The following AFTPH variants were observed in gnomAD, a reference collection of about 807,000 sequenced individuals.
AFTPH encodes the protein aftiphilin protein.
AFTPH carries 7 observed loss-of-function variants against 72.5 expected under a neutral mutation model. The observed-to-expected ratio is 0.10, with a 90% CI of 0.05 to 0.18. The LOEUF (loss-of-function observed/expected upper bound fraction) is 0.18, where lower values mean the gene tolerates loss of function less well. Ranked by LOEUF, AFTPH falls within the 10% of genes least tolerant of loss-of-function variation. The pLI, the probability that AFTPH is intolerant of heterozygous loss-of-function variation, is 1.00. For synonymous variants in AFTPH, 337 were observed against 370.1 expected, an observed-to-expected ratio of 0.91 and a Z score of 1.03; for missense variants, 979 against 1,060.5, an observed-to-expected ratio of 0.92 and a Z score of 1.07.
chr2:64,533,274 C>A (rs368265526), intron 1 of AFTPH, among the ~76,000 whole-genome samples: 5 of 152,200 alleles, frequency 3.3e-5, no homozygotes, highest in South Asian at 4.2e-4. Context: ...TGGCAGGCAC[C>A]TGTAGTCCCA....
intron 7 of AFTPH, among the ~76,000 whole-genome samples, chr2:64,582,653 A>C (rs868588352): frequency 1.3e-5 from 2 of 152,186 alleles, no homozygotes; most frequent in South Asian, 2.1e-4. Context: ...AAAAACATGT[A>C]TATCTTTTTG....
chr2:64,577,104 C>T (rs1672865609), intron 6 of AFTPH, among the ~76,000 whole-genome samples: 1 of 152,194 alleles, frequency 6.6e-6, no homozygotes, highest in African/African-American at 2.4e-5. Context: ...GTGATTTACC[C>T]AAAACCATGT....
chr2:64,526,595 C>T (rs2103786197), intron 1 of AFTPH, among the ~76,000 whole-genome samples: 1 of 152,264 alleles, frequency 6.6e-6, no homozygotes, highest in East Asian at 1.9e-4. Context: ...GTGAACCTTT[C>T]TAGCCGGAAC....
intron 1 of AFTPH, among the ~76,000 whole-genome samples, chr2:64,532,401 A>T (rs1269673168): frequency 6.6e-6 from 1 of 152,208 alleles, no homozygotes; most frequent in Non-Finnish European, 1.5e-5. Flanking sequence ...TTTTAAAAAG[A>T]TTACTTGGGT....
chr2:64,573,308 C>T (rs1433524181), intron 6 of AFTPH, among the ~76,000 whole-genome samples: 1 of 151,980 alleles, frequency 6.6e-6, no homozygotes, highest in Non-Finnish European at 1.5e-5. Flanking sequence ...GTTCTTAAAA[C>T]TATCCAGGCC....
exon 2 of AFTPH, chr2:64,552,029 G>A (rs377276676): frequency 6.8e-5 from 110 of 1,613,830 alleles, no homozygotes; most frequent in Non-Finnish European, 9.1e-5. Context: ...TAACAAATGG[G>A]TTTGCAGTGT....
chr2:64,572,135 G>T (rs750016645), intron 5 of AFTPH, among the ~76,000 whole-genome samples: 1 of 150,566 alleles, frequency 6.6e-6, no homozygotes, highest in African/African-American at 2.4e-5. Flanking sequence ...CAGGAGAATC[G>T]CTTGAACCTG....
chr2:64,579,453 G>A (rs749050554), intron 6 of AFTPH, 33 bp from the exon 7 acceptor site: 1 of 1,592,442 alleles, frequency 6.3e-7, no homozygotes, highest in Admixed American at 1.7e-5. Context: ...AACCTGTACT[G>A]ATTAATTTTG....
intron 7 of AFTPH, among the ~76,000 whole-genome samples, 194 bp from the exon 9 acceptor site, chr2:64,585,227 TC>T (rs1244357553): frequency 6.6e-6 from 1 of 152,252 alleles, no homozygotes; most frequent in Non-Finnish European, 1.5e-5. Context: ...AAAAGTCTTT[TC>T]CTGTTTTATA....
At chr2:64,586,702 C>A (rs1026632680) in intron 8 of AFTPH, among the ~76,000 whole-genome samples, 1 of 152,262 alleles carries the variant, frequency 6.6e-6, no homozygotes, top group East Asian at 1.9e-4. Flanking sequence ...TCTCATAGCC[C>A]CATGTCTTTG....
chr2:64,548,415 A>G lies in AFTPH; in HGVS notation c.-32-3028A>G, dbSNP rs950560829. Among the ~76,000 whole-genome samples the G allele has an allele frequency of 1.3e-4, 19 of 148,490 alleles. No individual in the cohort carries two copies. The South Asian group carries it at 1.9e-3, about 15-fold the overall frequency. ...ACTCCGTCTCAAAAAAAGAAAAAAA[A>G]AAAAAAAAAAAAAAAAAAAACTTTA... is the stretch of plus-strand genomic sequence containing the variant. On this transcript the variant is annotated intron_variant, in intron 1 of 8. Transcript: ENST00000238856.
At chr2:64,535,259 G>A (rs1427920490) in intron 1 of AFTPH, among the ~76,000 whole-genome samples, 5 of 152,212 alleles carry the variant, frequency 3.3e-5, no homozygotes, top group South Asian at 4.1e-4. Context: ...TAACACAAAG[G>A]TTTTCAACCT....
intron 1 of AFTPH, among the ~76,000 whole-genome samples, chr2:64,527,390 G>A (rs1389911168): frequency 4.6e-5 from 7 of 152,136 alleles, no homozygotes; most frequent in Non-Finnish European, 2.9e-5. Flanking sequence ...AAACCAGCCT[G>A]ACCAACATGG....
chr2:64,576,074 T>C (rs953794334), intron 6 of AFTPH, among the ~76,000 whole-genome samples: 3 of 127,744 alleles, frequency 2.3e-5, no homozygotes, highest in Non-Finnish European at 3.4e-5. Flanking sequence ...TTTGGCATGC[T>C]ACACACACAC....
Position 64,524,619 on chromosome 2 carries a change from G to T in AFTPH, c.-33+7G>T, listed in dbSNP as rs564722529. On this transcript the variant is annotated splice_region_variant and intron_variant, in intron 1 of 8. Transcript: ENST00000238856. ...GCCGCCCCGAAGGAGCCAGGTAAGC[G>T]CCGCCGCTCCGCTCCCCTAGCTGCG... 79 of 397,928 alleles carry T rather than the reference G, an allele frequency of 2.0e-4. No homozygotes were observed. Among genetic ancestry groups the T allele is most frequent in the African/African-American group, 1.5e-3 (71 of 48,732 alleles). The allele number at this position is 397,928 out of a possible 1,614,324, so 24.6% of individuals were successfully genotyped here.
chr2:64,545,851 A>AACT (rs1264102263), intron 1 of AFTPH, among the ~76,000 whole-genome samples: 1 of 151,858 alleles, frequency 6.6e-6, no homozygotes, highest in Admixed American at 6.6e-5. Context: ...AATTGAGCAG[A>AACT]ACTATACACA....
At chr2:64,554,594 T>C (rs756432480) in intron 2 of AFTPH, among the ~76,000 whole-genome samples, 24 of 152,258 alleles carry the variant, frequency 1.6e-4, no homozygotes, top group Non-Finnish European at 3.1e-4. Flanking sequence ...TTAGAGAAAT[T>C]ATGGTATTAC....
intron 1 of AFTPH, among the ~76,000 whole-genome samples, chr2:64,550,475 G>A (rs1408726371): frequency 2.0e-5 from 3 of 152,148 alleles, no homozygotes; most frequent in Non-Finnish European, 2.9e-5. Context: ...TATGTATTGT[G>A]TGATTCTATT....
chr2:64,553,179 G>A (rs1671153785), exon 2 of AFTPH: 1 of 1,614,054 alleles, frequency 6.2e-7, no homozygotes, highest in Admixed American at 1.7e-5. Context: ...TCCTAGCCAA[G>A]TTGTAGATTG....
Sources: gnomAD v4.1 joint callset for allele counts (sites outside exome capture counted in the v4.1 genomes callset) on GRCh38, gnomAD v4.1.1 for gene constraint, MANE v1.5 for transcripts, NCBI Gene and HGNC (gene_info 2026-07-23, HGNC 2026-07-21) for gene names.